Variants in CCNYL1 observed in about 807,000 individuals in gnomAD.
The protein encoded by CCNYL1 is cyclin-Y-like protein 1.
In CCNYL1, 16 loss-of-function variants were observed where a neutral mutation model predicts 44.2. The observed-to-expected ratio is 0.36, with a 90% confidence interval of 0.25 to 0.55. The LOEUF (loss-of-function observed/expected upper bound fraction) is 0.55. CCNYL1 is among the 20% of genes least tolerant of loss of function. CCNYL1 has a pLI of 0.85. For synonymous variants in CCNYL1, 159 were observed against 163.2 expected, an observed-to-expected ratio of 0.97 and a Z score of 0.20; for missense variants, 348 against 451.8, an observed-to-expected ratio of 0.77 and a Z score of 2.08.
rs148992674 is a variant in CCNYL1 at position 207,753,947 on chromosome 2, T to A, written c.*249T>A. 3 of 373,804 alleles carry A rather than the reference T, an allele frequency of 8.0e-6. No individual in the cohort carries two copies. Among genetic ancestry groups the A allele is most frequent in the African/African-American group, 4.1e-5 (2 of 48,376 alleles). The allele number at this position is 373,804 out of a possible 1,614,324, so 23.2% of individuals were successfully genotyped here. On this transcript the variant is annotated 3_prime_UTR_variant, in exon 10 of 10. Transcript: ENST00000295414. ...ACAAAAACCACTCCAAAGTGAAGGC[T>A]CCCATCCTACACACAGATATTTGCT... is the stretch of plus-strand genomic sequence containing the variant.
In CCNYL1 at chr2:207,711,879, GAGGAGCGGAGGCTT is replaced by G. The variant is rs1274886487; in HGVS notation, c.-17_-4del. 5 of 1,365,008 alleles carry G rather than the reference GAGGAGCGGAGGCTT, an allele frequency of 3.7e-6. No individual in the cohort carries two copies. The African/African-American group carries it at 7.7e-5, about 21-fold the overall frequency. The allele number at this position is 1,365,008 out of a possible 1,614,324, so 84.6% of individuals were successfully genotyped here. A position where few individuals can be genotyped will look rare whatever the true frequency, so the allele number is the denominator to read the frequency against. Reference sequence around the variant, plus strand: ...GGGGGCGAGCGAAGGCGGTGGCAGAGAGGAGCGGAGGCTTCCCATGGGGAACACGCTGACCTGTT... The same window carrying G: ...GGGGGCGAGCGAAGGCGGTGGCAGAGCCCATGGGGAACACGCTGACCTGTT... On this transcript the variant is annotated 5_prime_UTR_variant, in exon 1 of 10. Coordinates refer to ENST00000295414, the MANE Select transcript of CCNYL1 (RefSeq NM_001330218.2).
chr2:207,745,072 C>T lies in CCNYL1; in HGVS notation c.640-1975C>T, dbSNP rs139581771. ...CTGGGGACCTTGGCAAGAGGAGTCTCAGGAGAGTGACAGCAGCAAGGGACA... is the reference window on the plus strand; with the variant it reads ...CTGGGGACCTTGGCAAGAGGAGTCTTAGGAGAGTGACAGCAGCAAGGGACA... On this transcript the variant is annotated intron_variant, in intron 7 of 9. Coordinates refer to ENST00000295414, the MANE Select transcript of CCNYL1 (RefSeq NM_001330218.2). Among the ~76,000 whole-genome samples the T allele has an allele frequency of 1.7e-4, 26 of 152,100 alleles. No homozygotes were observed. In the East Asian group the frequency reaches 4.5e-3, roughly 26 times the overall value.
At position 207,755,213 on chromosome 2, in the gene CCNYL1, TA is replaced by T. The variant is rs201188485; in HGVS notation, c.*1524del. The T allele has an allele frequency of 2.7e-5, 4 of 150,716 alleles. No homozygotes were observed. Among genetic ancestry groups the T allele is most frequent in the Non-Finnish European group, 4.4e-5 (3 of 67,600 alleles). 9.3% of individuals were successfully genotyped at this position (150,716 alleles called of 1,614,324 possible). The stretch of plus-strand genomic sequence containing the variant: ...AGGCAACATAGTGAGACCCTGCCTG[TA>T]AAAAAAAATAATAAAAATAGTTGGA... On this transcript the variant is annotated 3_prime_UTR_variant, in exon 10 of 10. Coordinates refer to ENST00000295414, the MANE Select transcript of CCNYL1 (RefSeq NM_001330218.2).
intron 8 of CCNYL1, 30 bp downstream of exon 8, chr2:207,747,243 T>C: frequency 6.3e-7 from 1 of 1,583,976 alleles, no homozygotes. Context: ...GTGAACTTTC[T>C]AACCATTTTC....
rs1201764426 is a variant in CCNYL1 at position 207,711,975 on chromosome 2, T to A, written c.79T>A (p.Tyr27Asn). Reference protein sequence around the residue: ...LGRRAGSAELYCASDIYEAVS... With the variant: ...LGRRAGSAELNCASDIYEAVS... ...CCGGCGCGCGGGGTCGGCGGAGCTG[T>A]ACTGCGCGTCCGACATCTACGAGGC... is the stretch of plus-strand genomic sequence containing the variant. Residue 27 changes from tyrosine (Y) to asparagine (N), a missense_variant, in exon 1 of 10, where the codon TAC becomes AAC. Tyr to Asn is a moderately radical substitution (Grantham distance 143). Coordinates refer to ENST00000295414, the MANE Select transcript of CCNYL1 (RefSeq NM_001330218.2). 2.8e-6 allele frequency: 4 copies of A among 1,451,318 alleles called. No homozygotes were observed. The highest frequency in any genetic ancestry group is 2.7e-6 in the Non-Finnish European group (3 of 1,099,244). The allele number at this position is 1,451,318 out of a possible 1,614,324, so 89.9% of individuals were successfully genotyped here. A position where few individuals can be genotyped will look rare whatever the true frequency, so the allele number is the denominator to read the frequency against.
At chr2:207,720,516 C>A (rs977755671) in intron 1 of CCNYL1, among the ~76,000 whole-genome samples, 1 of 151,940 alleles carries the variant, frequency 6.6e-6, no homozygotes, top group Non-Finnish European at 1.5e-5. Context: ...TCAAGTTATC[C>A]TGCCACTTCA....
rs544120560 is a variant in CCNYL1 at position 207,739,941 on chromosome 2, C to CT, written c.468-705dup. The stretch of plus-strand genomic sequence containing the variant: ...AAAAAGCAAGCAATACCTTAGTATT[C>CT]TTTTTTTTTAAATTATTTTTATTTC... On this transcript the variant is annotated intron_variant, in intron 5 of 9. Coordinates refer to ENST00000295414, the MANE Select transcript of CCNYL1 (RefSeq NM_001330218.2). Among the ~76,000 whole-genome samples the CT allele has an allele frequency of 5.3e-3, 806 of 151,724 alleles. 9 individuals are homozygous for CT. The highest frequency in any genetic ancestry group is 0.018 in the African/African-American group (751 of 41,422).
chr2:207,739,475 C>T (rs1297942230), intron 5 of CCNYL1, among the ~76,000 whole-genome samples: 1 of 152,030 alleles, frequency 6.6e-6, no homozygotes, highest in Non-Finnish European at 1.5e-5. Flanking sequence ...AGTGATCCAC[C>T]CGCCTCAGCC....
In CCNYL1 at chr2:207,754,386, G is replaced by A. The variant is rs2105845090; in HGVS notation, c.*688G>A. ...GATATCTACTTCTATTGGAGTCCAT[G>A]TTGCATTTCTTGTGAACTATAAATG... On this transcript the variant is annotated 3_prime_UTR_variant, in exon 10 of 10. Transcript: ENST00000295414. 6.5e-6 allele frequency: 1 copy of A among 152,738 alleles called. No individual in the cohort carries two copies. The highest frequency in any genetic ancestry group is 2.4e-5 in the African/African-American group (1 of 41,558). The allele number at this position is 152,738 out of a possible 1,614,324, so 9.5% of individuals were successfully genotyped here.
At chr2:207,712,863 TG>T (rs1484822566) in intron 1 of CCNYL1, among the ~76,000 whole-genome samples, 10 of 152,352 alleles carry the variant, frequency 6.6e-5, no homozygotes, top group Admixed American at 6.5e-4. Context: ...CCGCCCAGGC[TG>T]GAGTGCAGTG....
chr2:207,756,105 T>C lies in CCNYL1; in HGVS notation c.*2407T>C, dbSNP rs1276281759. 1 of 152,242 alleles carries C rather than the reference T, an allele frequency of 6.6e-6. No homozygotes were observed. Among genetic ancestry groups the C allele is most frequent in the Non-Finnish European group, 1.5e-5 (1 of 68,026 alleles). The allele number at this position is 152,242 out of a possible 1,614,324, so 9.4% of individuals were successfully genotyped here. ...GATTGCAGTTTTATTTTGAAAAGAATGCTACAATTTATGTGGTTTTTATTT... is the reference window on the plus strand; with the variant it reads ...GATTGCAGTTTTATTTTGAAAAGAACGCTACAATTTATGTGGTTTTTATTT... On this transcript the variant is annotated 3_prime_UTR_variant, in exon 10 of 10. Coordinates refer to ENST00000295414, the MANE Select transcript of CCNYL1 (RefSeq NM_001330218.2).
chr2:207,744,228 TTGTGTG>T (rs61530643), intron 7 of CCNYL1, among the ~76,000 whole-genome samples: 2 of 150,228 alleles, frequency 1.3e-5, no homozygotes, highest in East Asian at 2.0e-4. Context: ...CAGGAACATT[TTGTGTG>T]TGTGTGTGTG....
intron 6 of CCNYL1, among the ~76,000 whole-genome samples, chr2:207,741,187 G>A (rs754236508): frequency 2.6e-5 from 4 of 152,034 alleles, no homozygotes; most frequent in East Asian, 1.9e-4. Context: ...CGTGGAAGGC[G>A]GAGCTTGCAG....
chr2:207,733,264 C>T (rs1382628680), intron 3 of CCNYL1, among the ~76,000 whole-genome samples: 1 of 152,150 alleles, frequency 6.6e-6, no homozygotes, highest in Non-Finnish European at 1.5e-5. Flanking sequence ...GGAGAGTGTT[C>T]TCTGAGGTTC....
At position 207,726,837 on chromosome 2, in the gene CCNYL1, C is replaced by A. The variant is rs764891228; in HGVS notation, c.296-5C>A. On this transcript the variant is annotated splice_region_variant and splice_polypyrimidine_tract_variant and intron_variant, in intron 2 of 9. Coordinates refer to ENST00000295414, the MANE Select transcript of CCNYL1 (RefSeq NM_001330218.2). ...AATTGATCAGCTAATTTTTTTTATT[C>A]TTAGTGCGAGAAAAGAGGAAGAGCA... 11 of 1,564,556 alleles carry A rather than the reference C, an allele frequency of 7.0e-6. No homozygotes were observed. The highest frequency in any genetic ancestry group is 1.4e-5 in the African/African-American group (1 of 71,264).
chr2:207,751,272 G>A (rs1476117711), intron 9 of CCNYL1, among the ~76,000 whole-genome samples, 153 bp downstream of exon 9: 1 of 152,226 alleles, frequency 6.6e-6, no homozygotes, highest in African/African-American at 2.4e-5. Context: ...CAGATTTCCT[G>A]TGTCTTGTAT....
chr2:207,722,073 A>ATTTT (rs397987558), intron 1 of CCNYL1, among the ~76,000 whole-genome samples: 8 of 119,440 alleles, frequency 6.7e-5, no homozygotes, highest in Non-Finnish European at 1.0e-4. Context: ...GTTGCCTTGG[A>ATTTT]TTTTTTTTTT....
chr2:207,743,217 A>C (rs1356684110), intron 7 of CCNYL1, among the ~76,000 whole-genome samples: 1 of 152,214 alleles, frequency 6.6e-6, no homozygotes, highest in Non-Finnish European at 1.5e-5. Context: ...CACTTAGCAC[A>C]TACTGTAGAG....
chr2:207,723,859 A>G (rs1485597924), intron 1 of CCNYL1, among the ~76,000 whole-genome samples: 1 of 134,876 alleles, frequency 7.4e-6, no homozygotes, highest in South Asian at 2.6e-4. Context: ...TGGGCAATAG[A>G]GTGAGACTCC....
Sources: gnomAD v4.1 joint callset for allele counts (sites outside exome capture counted in the v4.1 genomes callset) on GRCh38, gnomAD v4.1.1 for gene constraint, MANE v1.5 for transcripts, NCBI Gene and HGNC (gene_info 2026-07-23, HGNC 2026-07-21) for gene names.